The following NEGR1 variants were observed in gnomAD, a reference collection of about 807,000 sequenced individuals.
NEGR1 encodes the protein neuronal growth regulator 1.
In NEGR1, 10 loss-of-function variants were observed where a neutral mutation model predicts 40.9. That is an observed-to-expected ratio of 0.24 (90% CI 0.15 to 0.42). The LOEUF (loss-of-function observed/expected upper bound fraction) is 0.42. Ranked by LOEUF, NEGR1 falls within the 10% of genes least tolerant of loss-of-function variation. The pLI, the probability that NEGR1 is intolerant of heterozygous loss-of-function variation, is 1.00. For synonymous variants in NEGR1, 185 were observed against 166.8 expected (o/e 1.11, Z -0.84); for missense variants, 352 against 438.9 (o/e 0.80, Z 1.77).
intron 1 of NEGR1, among the ~76,000 whole-genome samples, chr1:72,027,842 T>C (rs1487389656): frequency 6.6e-6 from 1 of 152,192 alleles, no homozygotes; most frequent in Non-Finnish European, 1.5e-5. Context: ...GTGCCTGTCA[T>C]AATTGCAGAA....
intron 4 of NEGR1, among the ~76,000 whole-genome samples, chr1:71,671,387 GAAACT>G (rs1399904069): frequency 6.6e-6 from 1 of 152,102 alleles, no homozygotes; most frequent in Non-Finnish European, 1.5e-5. Flanking sequence ...TAAAATGAAG[GAAACT>G]GGCAAAACCT....
intron 6 of NEGR1, among the ~76,000 whole-genome samples, chr1:71,583,906 A>T (rs1178703017): frequency 6.6e-6 from 1 of 152,216 alleles, no homozygotes; most frequent in Non-Finnish European, 1.5e-5. Context: ...AAGGAACCGA[A>T]GATTATGCAA....
At chr1:71,430,317 C>G (rs1646457642) in intron 6 of NEGR1, among the ~76,000 whole-genome samples, 1 of 152,162 alleles carries the variant, frequency 6.6e-6, no homozygotes, top group Non-Finnish European at 1.5e-5. Context: ...CTCAGTTTGA[C>G]CTGGCCTCTG....
At chr1:71,671,507 G>A (rs1024134390) in intron 4 of NEGR1, among the ~76,000 whole-genome samples, 1 of 152,034 alleles carries the variant, frequency 6.6e-6, no homozygotes, top group Admixed American at 6.6e-5. Flanking sequence ...GGAAATAACA[G>A]GAATAAAATT....
chr1:71,785,000 G>T (rs1191458824), intron 2 of NEGR1, among the ~76,000 whole-genome samples: 1 of 152,180 alleles, frequency 6.6e-6, no homozygotes, highest in East Asian at 1.9e-4. Flanking sequence ...GGACTGTAAA[G>T]ATTTTTATTT....
At chr1:72,066,267 C>T (rs1403488637) in intron 1 of NEGR1, among the ~76,000 whole-genome samples, 3 of 151,982 alleles carry the variant, frequency 2.0e-5, no homozygotes, top group Non-Finnish European at 4.4e-5. Context: ...ATCCAGGCAG[C>T]GTGGCCTAGA....
chr1:72,108,218 A>C (rs1279891023), intron 1 of NEGR1, among the ~76,000 whole-genome samples: 1 of 151,640 alleles, frequency 6.6e-6, no homozygotes, highest in Non-Finnish European at 1.5e-5. Flanking sequence ...TTATGACAAA[A>C]AGATTCAGAT....
chr1:72,277,520 C>T (rs1385943288), intron 1 of NEGR1, among the ~76,000 whole-genome samples: 1 of 144,068 alleles, frequency 6.9e-6, no homozygotes, highest in Non-Finnish European at 1.5e-5. Context: ...AAATTAAAAA[C>T]ATTATACTTT....
At chr1:71,580,000 A>G (rs1443880966) in intron 6 of NEGR1, among the ~76,000 whole-genome samples, 1 of 152,202 alleles carries the variant, frequency 6.6e-6, no homozygotes. Context: ...TGGCACACAC[A>G]TGCACACGTA....
At chr1:71,952,919 C>G (rs1191362900) in intron 1 of NEGR1, among the ~76,000 whole-genome samples, 1 of 136,436 alleles carries the variant, frequency 7.3e-6, no homozygotes, top group East Asian at 2.2e-4. Context: ...GCTTGATGCA[C>G]AGAATATTTT....
intron 6 of NEGR1, among the ~76,000 whole-genome samples, chr1:71,418,859 A>G (rs1274712993): frequency 6.6e-6 from 1 of 152,160 alleles, no homozygotes; most frequent in African/African-American, 2.4e-5. Flanking sequence ...AGTCTAACAC[A>G]GTGACTACAT....
intron 5 of NEGR1, among the ~76,000 whole-genome samples, chr1:71,603,345 G>A (rs1649983918): frequency 6.6e-6 from 1 of 152,160 alleles, no homozygotes; most frequent in African/African-American, 2.4e-5. Context: ...AAAAGCAAAA[G>A]AGAAACAGAA....
At chr1:71,983,634 A>T (rs950442088) in intron 1 of NEGR1, among the ~76,000 whole-genome samples, 5 of 152,170 alleles carry the variant, frequency 3.3e-5, no homozygotes, top group African/African-American at 1.2e-4. Flanking sequence ...AAGTCTTCAT[A>T]AGTTCAGACT....
intron 1 of NEGR1, among the ~76,000 whole-genome samples, chr1:71,943,368 A>G (rs1645990147): frequency 6.6e-6 from 1 of 151,016 alleles, no homozygotes; most frequent in African/African-American, 2.4e-5. Flanking sequence ...TATATATAAC[A>G]TTTTAAATGC....
chr1:71,961,694 C>A (rs1457549788), intron 1 of NEGR1, among the ~76,000 whole-genome samples: 1 of 151,976 alleles, frequency 6.6e-6, no homozygotes, highest in Non-Finnish European at 1.5e-5. Flanking sequence ...TTCTGTCATC[C>A]TGGGCAACTC....
intron 2 of NEGR1, among the ~76,000 whole-genome samples, chr1:71,800,647 G>T (rs865813901): frequency 6.6e-6 from 1 of 152,014 alleles, no homozygotes; most frequent in Non-Finnish European, 1.5e-5. Context: ...GGTAGCCTCT[G>T]TGTGCTTATG....
chr1:72,015,998 G>A (rs548010562), intron 1 of NEGR1, among the ~76,000 whole-genome samples: 15 of 152,146 alleles, frequency 9.9e-5, no homozygotes, highest in Non-Finnish European at 1.8e-4. Context: ...AAATAGTGTA[G>A]TGACTTCTAT....
intron 2 of NEGR1, among the ~76,000 whole-genome samples, chr1:71,813,412 TG>T (rs1471394465): frequency 1.3e-5 from 2 of 152,090 alleles, no homozygotes; most frequent in Non-Finnish European, 2.9e-5. Flanking sequence ...CTTCCCTATA[TG>T]GGCTCTTTTT....
At chr1:72,200,949 TAA>T (rs1237065683) in intron 1 of NEGR1, among the ~76,000 whole-genome samples, 1 of 151,168 alleles carries the variant, frequency 6.6e-6, no homozygotes, top group African/African-American at 2.4e-5. Context: ...TTATATATGA[TAA>T]GTGACAAAAA....
Sources: gnomAD v4.1 joint callset for allele counts (sites outside exome capture counted in the v4.1 genomes callset) on GRCh38, gnomAD v4.1.1 for gene constraint, MANE v1.5 for transcripts, NCBI Gene and HGNC (gene_info 2026-07-23, HGNC 2026-07-21) for gene names.